Variants in SHISA6 observed in about 807,000 individuals in gnomAD.
The protein encoded by SHISA6 is shisa family member 6, also known as protein shisa-6.
In SHISA6, 22 loss-of-function variants were observed where a neutral mutation model predicts 47.9. The observed-to-expected ratio is 0.46, with a 90% CI of 0.33 to 0.66. The LOEUF (loss-of-function observed/expected upper bound fraction) is 0.66, where lower values mean the gene tolerates loss of function less well. Ranked by LOEUF, SHISA6 falls within the 30% of genes least tolerant of loss-of-function variation. SHISA6 has a pLI of 0.02. For synonymous variants in SHISA6, 388 were observed against 337.8 expected (o/e 1.15, Z -1.63); for missense variants, 680 against 764.6 (o/e 0.89, Z 1.30).
intron 3 of SHISA6, among the ~76,000 whole-genome samples, chr17:11,424,769 C>T (rs1041368020): frequency 3.3e-5 from 5 of 151,712 alleles, no homozygotes; most frequent in East Asian, 1.9e-4. Context: ...TTTGGGAGGC[C>T]GAGGCAGGTG....
chr17:11,487,689 A>G (rs1217557913), intron 3 of SHISA6, among the ~76,000 whole-genome samples: 2 of 152,210 alleles, frequency 1.3e-5, no homozygotes, highest in Non-Finnish European at 2.9e-5. Flanking sequence ...TCAATTTAGC[A>G]ATTTGCTACT....
At chr17:11,318,246 C>T (rs1910589981) in intron 2 of SHISA6, among the ~76,000 whole-genome samples, 1 of 152,174 alleles carries the variant, frequency 6.6e-6, no homozygotes, top group Non-Finnish European at 1.5e-5. Context: ...AGTTTTGCAG[C>T]TGAGAAGTAT....
intron 2 of SHISA6, among the ~76,000 whole-genome samples, chr17:11,319,537 T>C (rs558982327): frequency 7.9e-5 from 12 of 152,376 alleles, no homozygotes; most frequent in African/African-American, 2.6e-4. Flanking sequence ...ATACATCTTT[T>C]TCATACTGCT....
intron 3 of SHISA6, among the ~76,000 whole-genome samples, chr17:11,382,323 T>G (rs1312119912): frequency 6.6e-6 from 1 of 152,040 alleles, no homozygotes. Context: ...AAGTGATCCT[T>G]CCACCTTCCC....
intron 2 of SHISA6, among the ~76,000 whole-genome samples, chr17:11,283,518 T>C (rs1488055266): frequency 1.3e-5 from 2 of 152,228 alleles, no homozygotes; most frequent in Non-Finnish European, 2.9e-5. Context: ...TCATGTTGAA[T>C]AAATGCATGC....
chr17:11,523,662 C>T (rs16944953), intron 3 of SHISA6, among the ~76,000 whole-genome samples: 2,824 of 152,206 alleles, frequency 0.019, 76 homozygotes, highest in East Asian at 0.087. Context: ...CTCCCTGATA[C>T]TTCATACAGC....
chr17:11,387,676 TAGA>T (rs375237998), intron 3 of SHISA6, among the ~76,000 whole-genome samples: 4 of 151,702 alleles, frequency 2.6e-5, no homozygotes, highest in African/African-American at 9.7e-5. Context: ...GATGTGAGAG[TAGA>T]AGATTTTTGA....
chr17:11,360,063 A>T (rs1312973790), intron 2 of SHISA6, among the ~76,000 whole-genome samples: 1 of 152,218 alleles, frequency 6.6e-6, no homozygotes, highest in Non-Finnish European at 1.5e-5. Context: ...CTTGGAACCA[A>T]CCCAGATGCC....
chr17:11,407,973 T>C (rs1244474456), intron 3 of SHISA6, among the ~76,000 whole-genome samples: 1 of 152,162 alleles, frequency 6.6e-6, no homozygotes, highest in East Asian at 1.9e-4. Flanking sequence ...TTAGAATCAA[T>C]ATTTCTGCAT....
intron 3 of SHISA6, among the ~76,000 whole-genome samples, chr17:11,509,372 C>A (rs529455730): frequency 1.3e-5 from 2 of 152,336 alleles, no homozygotes; most frequent in African/African-American, 4.8e-5. Flanking sequence ...AGGGCTTTAC[C>A]ATTTATGAAG....
intron 3 of SHISA6, among the ~76,000 whole-genome samples, chr17:11,440,601 C>T (rs151233918): frequency 2.7e-5 from 4 of 147,844 alleles, no homozygotes; most frequent in East Asian, 2.0e-4. Context: ...TCTAAGCATC[C>T]GTTTGCTCAT....
intron 3 of SHISA6, among the ~76,000 whole-genome samples, chr17:11,404,933 A>C (rs1332555160): frequency 6.6e-6 from 1 of 152,160 alleles, no homozygotes; most frequent in African/African-American, 2.4e-5. Flanking sequence ...TGTGAAAAGA[A>C]GTACTGTCTG....
At chr17:11,322,475 A>T (rs1399453551) in intron 2 of SHISA6, among the ~76,000 whole-genome samples, 4 of 152,112 alleles carry the variant, frequency 2.6e-5, no homozygotes, top group African/African-American at 9.7e-5. Context: ...CTTAATTTTT[A>T]AATTTTATCT....
At chr17:11,545,772 A>G (rs1394347227) in intron 3 of SHISA6, among the ~76,000 whole-genome samples, 1 of 152,200 alleles carries the variant, frequency 6.6e-6, no homozygotes, top group Non-Finnish European at 1.5e-5. Flanking sequence ...CTGGCAGTGG[A>G]TGTTGGCTGT....
chr17:11,362,646 C>T (rs205070), intron 2 of SHISA6, among the ~76,000 whole-genome samples: 150,883 of 152,346 alleles, frequency 0.99, 74,734 homozygotes, highest in East Asian at 1. Flanking sequence ...ATTTCTAAAA[C>T]GAGGAAGATT....
intron 2 of SHISA6, among the ~76,000 whole-genome samples, chr17:11,357,369 TA>T (rs1912114167): frequency 6.6e-6 from 1 of 152,126 alleles, no homozygotes; most frequent in Admixed American, 6.6e-5. Flanking sequence ...ACCCTATTTC[TA>T]AAATAGAATA....
chr17:11,523,622 G>A (rs2071650040), intron 3 of SHISA6, among the ~76,000 whole-genome samples: 1 of 152,156 alleles, frequency 6.6e-6, no homozygotes, highest in Non-Finnish European at 1.5e-5. Flanking sequence ...GGCATGCTTT[G>A]ATATTTATTT....
chr17:11,528,033 G>T (rs2071700743), intron 3 of SHISA6, among the ~76,000 whole-genome samples: 1 of 152,080 alleles, frequency 6.6e-6, no homozygotes, highest in East Asian at 1.9e-4. Context: ...TTAAGGCAAA[G>T]AACTTTACAA....
In SHISA6 at chr17:11,443,164, C is replaced by G. The variant is rs1036077102; in HGVS notation, c.895+63655C>G. 2.6e-5 allele frequency among the ~76,000 whole-genome samples: 4 copies of G among 152,154 alleles called. 1 individual carries two copies. Among genetic ancestry groups the G allele is most frequent in the Middle Eastern group, 6.3e-3 (2 of 316 alleles). ...TGAGAAGCCTTGTCTTCAGGAGTCT[C>G]GAAGGACACCCCTGGGATTTGAAGA... On this transcript the variant is annotated intron_variant, in intron 3 of 5. Coordinates refer to ENST00000441885, the MANE Select transcript of SHISA6 (RefSeq NM_207386.4).
Sources: allele counts gnomAD v4.1 joint callset (sites outside exome capture counted in the v4.1 genomes callset), GRCh38; gene constraint gnomAD v4.1.1; transcripts MANE v1.5; gene names NCBI Gene and HGNC (gene_info 2026-07-23, HGNC 2026-07-21).